The following ZDHHC15 variants were observed in gnomAD, a reference collection of about 807,000 sequenced individuals.
ZDHHC15 encodes zDHHC palmitoyltransferase 15, also known as palmitoyltransferase ZDHHC15.
A neutral mutation model predicts 31.7 loss-of-function variants in ZDHHC15; 19 were observed. That is an observed-to-expected ratio of 0.60 (90% confidence interval 0.42 to 0.88). ZDHHC15 has a LOEUF of 0.88. ZDHHC15 is among the 40% of genes least tolerant of loss of function. The pLI is 0.00. For synonymous variants in ZDHHC15, 103 were observed against 90.0 expected (o/e 1.14, Z -0.82); for missense variants, 209 against 251.2 (o/e 0.83, Z 1.14).
chrX:75,392,468 T>G (rs1257839683), intron 10 of ZDHHC15, among the ~76,000 whole-genome samples: 1 of 112,094 alleles, frequency 8.9e-6, no homozygotes, highest in African/African-American at 3.2e-5. Flanking sequence ...CTTTGTATTC[T>G]TCAGTCCAAT....
intron 2 of ZDHHC15, among the ~76,000 whole-genome samples, chrX:75,492,568 T>A (rs2084916936): frequency 9.0e-6 from 1 of 111,366 alleles, no homozygotes; most frequent in Non-Finnish European, 1.9e-5. Flanking sequence ...GAACAGAAAT[T>A]ATAACAAACT....
chrX:75,478,796 C>T (rs993736425), intron 3 of ZDHHC15, 95 bp downstream of exon 3: 4 of 631,096 alleles, frequency 6.3e-6, no homozygotes, highest in East Asian at 3.6e-5. Flanking sequence ...CTGACTCTTT[C>T]GTATTATTTA....
At chrX:75,408,116 G>A (rs1172880142) in intron 10 of ZDHHC15, among the ~76,000 whole-genome samples, 1 of 109,894 alleles carries the variant, frequency 9.1e-6, no homozygotes, top group Non-Finnish European at 1.9e-5. Flanking sequence ...AGAGTCCCTT[G>A]TTCACATGTT....
At chrX:75,374,386 T>A (rs1292360331) in intron 11 of ZDHHC15, among the ~76,000 whole-genome samples, 3 of 108,785 alleles carry the variant, frequency 2.8e-5, no homozygotes, top group East Asian at 2.9e-4. Context: ...AAGTATAATT[T>A]AAAAAAAAGG....
chrX:75,464,880 C>G (rs1308950569), intron 3 of ZDHHC15, among the ~76,000 whole-genome samples: 3 of 111,801 alleles, frequency 2.7e-5, no homozygotes, highest in African/African-American at 9.7e-5. Flanking sequence ...AAGCATTTCC[C>G]TTGAAAACTG....
chrX:75,510,166 ATACT>A (rs1218044344), intron 1 of ZDHHC15, among the ~76,000 whole-genome samples: 1 of 111,844 alleles, frequency 8.9e-6, no homozygotes, highest in Non-Finnish European at 1.9e-5. Flanking sequence ...GATGATCGTA[ATACT>A]TACTTAGGAA....
intron 4 of ZDHHC15, among the ~76,000 whole-genome samples, chrX:75,443,050 A>G (rs762411150): frequency 9.1e-6 from 1 of 110,442 alleles, no homozygotes; most frequent in South Asian, 3.9e-4. Flanking sequence ...AAGGTAATTT[A>G]TAGATTCAAT....
At chrX:75,430,927 C>T (rs890166646) in intron 5 of ZDHHC15, among the ~76,000 whole-genome samples, 5 of 111,274 alleles carry the variant, frequency 4.5e-5, no homozygotes, top group African/African-American at 1.6e-4. Flanking sequence ...ATCCTAAATA[C>T]TGTCAAGGTT....
chrX:75,501,415 T>C (rs1426246023), intron 2 of ZDHHC15: 2 of 111,602 alleles, frequency 1.8e-5, no homozygotes, highest in African/African-American at 6.5e-5. Context: ...CAATGATCAC[T>C]TGCTTGCATG....
intron 3 of ZDHHC15, among the ~76,000 whole-genome samples, chrX:75,469,122 A>G (rs935895963): frequency 2.7e-5 from 3 of 111,286 alleles, no homozygotes; most frequent in African/African-American, 9.8e-5. Context: ...TTTTGGTGTC[A>G]TATCAAAGAA....
intron 4 of ZDHHC15, among the ~76,000 whole-genome samples, chrX:75,447,288 C>A (rs1448569959): frequency 2.7e-5 from 3 of 112,326 alleles, no homozygotes; most frequent in Non-Finnish European, 5.6e-5. Context: ...CTGGAATAGA[C>A]ACTTTGGATA....
chrX:75,447,062 G>T (rs975783126), intron 4 of ZDHHC15, among the ~76,000 whole-genome samples: 14 of 111,854 alleles, frequency 1.3e-4, no homozygotes, highest in Non-Finnish European at 2.4e-4. Context: ...GGCCATGGTG[G>T]CAGGGATGGA....
intron 2 of ZDHHC15, among the ~76,000 whole-genome samples, chrX:75,491,617 A>C (rs2084894605): frequency 2.7e-5 from 3 of 110,503 alleles, no homozygotes; most frequent in Admixed American, 9.7e-5. Flanking sequence ...TTAAAACTTA[A>C]AGTATAATAA....
chrX:75,472,979 C>T (rs762762097), intron 3 of ZDHHC15, among the ~76,000 whole-genome samples: 4 of 112,320 alleles, frequency 3.6e-5, no homozygotes, highest in Admixed American at 1.9e-4. Flanking sequence ...GGAATAGATA[C>T]TGACTCCGAA....
At chrX:75,419,697 G>C (rs1201187895) in intron 9 of ZDHHC15, among the ~76,000 whole-genome samples, 4 of 109,533 alleles carry the variant, frequency 3.7e-5, no homozygotes, top group Admixed American at 9.8e-5. Context: ...TTGGAACCAA[G>C]CCAAATGTAC....
At chrX:75,374,200 G>A (rs184991239) in intron 11 of ZDHHC15, among the ~76,000 whole-genome samples, 1 of 109,296 alleles carries the variant, frequency 9.1e-6, no homozygotes, top group East Asian at 2.9e-4. Context: ...ATGGACACAG[G>A]GAGGGGAACA....
intron 5 of ZDHHC15, among the ~76,000 whole-genome samples, chrX:75,431,042 A>C (rs779338714): frequency 8.9e-6 from 1 of 112,075 alleles, no homozygotes; most frequent in East Asian, 2.8e-4. Context: ...TGGAACAGAT[A>C]AAGGACATTA....
intron 3 of ZDHHC15, among the ~76,000 whole-genome samples, chrX:75,453,029 A>C (rs2084150663): frequency 8.9e-6 from 1 of 111,959 alleles, no homozygotes; most frequent in Non-Finnish European, 1.9e-5. Context: ...GAAATAACTA[A>C]GATCAGAGCA....
Position 75,429,209 on chromosome X carries a change from A to G in ZDHHC15, c.483-11T>C. 8.4e-7 allele frequency: 1 copy of G among 1,195,031 alleles called. No homozygotes were observed. The highest frequency in any genetic ancestry group is 1.9e-5 in the South Asian group (1 of 53,996). ...ATGCAGTTATTAACCCTAAAAAAAA[A>G]GAAAAACTAATTTGACATCAGGACC... On this transcript the variant is annotated splice_polypyrimidine_tract_variant and intron_variant, in intron 6 of 11. Coordinates refer to ENST00000373367, the MANE Select transcript of ZDHHC15 (RefSeq NM_144969.3).
Sources: allele counts gnomAD v4.1 joint callset (sites outside exome capture counted in the v4.1 genomes callset), GRCh38; gene constraint gnomAD v4.1.1; transcripts MANE v1.5; gene names NCBI Gene and HGNC (gene_info 2026-07-23, HGNC 2026-07-21).